ROBO2: variants seen among roughly 807,000 people sequenced by gnomAD.
ROBO2 encodes roundabout guidance receptor 2.
Under a neutral mutation model 160.8 loss-of-function variants are expected in ROBO2, and 53 were observed. That is an observed-to-expected ratio of 0.33 (90% CI 0.26 to 0.41). The LOEUF (loss-of-function observed/expected upper bound fraction) is 0.41. Among genes scored for constraint, ROBO2 ranks in the 10% least tolerant of loss-of-function variants. The probability of loss-of-function intolerance (pLI) is 1.00; values close to 1 mark genes in which losing one functional copy is unlikely to be tolerated. For synonymous variants in ROBO2, 664 were observed against 611.7 expected, an observed-to-expected ratio of 1.09 and a Z score of -1.26; for missense variants, 1,577 against 1,722.4, an observed-to-expected ratio of 0.92 and a Z score of 1.49.
chr3:76,086,988 TAGAAA>T (rs1187764650), intron 2 of ROBO2, among the ~76,000 whole-genome samples: 1 of 151,184 alleles, frequency 6.6e-6, no homozygotes, highest in Non-Finnish European at 1.5e-5. Flanking sequence ...ACTTCCAAAA[TAGAAA>T]AGAGAAAAAT....
At chr3:77,354,317 A>G (rs1426610052) in intron 2 of ROBO2, among the ~76,000 whole-genome samples, 1 of 152,202 alleles carries the variant, frequency 6.6e-6, no homozygotes, top group African/African-American at 2.4e-5. Flanking sequence ...TACCCTTAGT[A>G]CAGAATATTG....
At chr3:76,422,287 C>T (rs2076029185) in intron 2 of ROBO2, among the ~76,000 whole-genome samples, 1 of 152,188 alleles carries the variant, frequency 6.6e-6, no homozygotes, top group South Asian at 2.1e-4. Flanking sequence ...TTTTATGATA[C>T]TTTCTTATCA....
intron 2 of ROBO2, among the ~76,000 whole-genome samples, chr3:76,818,985 T>C (rs1198762290): frequency 6.6e-6 from 1 of 152,088 alleles, no homozygotes; most frequent in Non-Finnish European, 1.5e-5. Flanking sequence ...CCTCAAACTG[T>C]CTATCTTAGA....
intron 2 of ROBO2, among the ~76,000 whole-genome samples, chr3:76,660,331 G>A (rs1234744154): frequency 1.3e-5 from 2 of 152,166 alleles, no homozygotes; most frequent in Non-Finnish European, 1.5e-5. Context: ...CTGGAGCGGT[G>A]ACCCAGTCGA....
intron 2 of ROBO2, among the ~76,000 whole-genome samples, chr3:77,011,088 T>TC (rs2061886465): frequency 7.8e-5 from 5 of 64,132 alleles, no homozygotes; most frequent in Admixed American, 3.0e-4. Flanking sequence ...TTTCTTTCTT[T>TC]TTCTTTCTAT....
intron 2 of ROBO2, among the ~76,000 whole-genome samples, chr3:75,939,298 T>G (rs1012673796): frequency 6.6e-6 from 1 of 152,170 alleles, no homozygotes; most frequent in African/African-American, 2.4e-5. Flanking sequence ...TTCCAGTAAT[T>G]GTGGCTTGTT....
intron 2 of ROBO2, among the ~76,000 whole-genome samples, chr3:76,166,499 C>G (rs980163693): frequency 6.6e-6 from 1 of 152,036 alleles, no homozygotes; most frequent in Admixed American, 6.6e-5. Context: ...CAGCCGTTTT[C>G]TATTTTCTTT....
intron 2 of ROBO2, among the ~76,000 whole-genome samples, chr3:76,819,953 C>T (rs1220369585): frequency 6.6e-6 from 1 of 152,038 alleles, no homozygotes; most frequent in Non-Finnish European, 1.5e-5. Flanking sequence ...TCTATTCTGT[C>T]TGTCTGATGA....
At chr3:76,032,633 G>A (rs765462899) in intron 2 of ROBO2, among the ~76,000 whole-genome samples, 2 of 152,132 alleles carry the variant, frequency 1.3e-5, no homozygotes, top group Non-Finnish European at 2.9e-5. Context: ...TCATTCAGGA[G>A]CAGGTTGTTT....
chr3:76,355,063 T>G (rs1031757428), intron 2 of ROBO2, among the ~76,000 whole-genome samples: 1 of 151,610 alleles, frequency 6.6e-6, no homozygotes, highest in East Asian at 1.9e-4. Flanking sequence ...TGTGTGTGTA[T>G]GTATGCATGG....
intron 2 of ROBO2, among the ~76,000 whole-genome samples, chr3:77,281,219 A>T (rs1163014493): frequency 6.6e-6 from 1 of 152,204 alleles, no homozygotes; most frequent in Non-Finnish European, 1.5e-5. Flanking sequence ...TGGACAGTGG[A>T]TAAATCCCAA....
chr3:76,296,150 A>T (rs1709063414), intron 2 of ROBO2, among the ~76,000 whole-genome samples: 1 of 152,022 alleles, frequency 6.6e-6, no homozygotes, highest in African/African-American at 2.4e-5. Context: ...GGAGAATACG[A>T]TGTGATGACA....
At chr3:76,009,142 G>T (rs1293929510) in intron 2 of ROBO2, among the ~76,000 whole-genome samples, 2 of 151,960 alleles carry the variant, frequency 1.3e-5, no homozygotes, top group Non-Finnish European at 2.9e-5. Flanking sequence ...TTGCTCTGTC[G>T]CCCAGGCTGG....
chr3:76,461,774 T>C (rs1452384588), intron 2 of ROBO2, among the ~76,000 whole-genome samples: 1 of 152,214 alleles, frequency 6.6e-6, no homozygotes, highest in Non-Finnish European at 1.5e-5. Flanking sequence ...AATAAATTAA[T>C]ATTGTTGCCC....
chr3:76,945,872 T>A (rs2078506642), intron 2 of ROBO2, among the ~76,000 whole-genome samples: 1 of 152,212 alleles, frequency 6.6e-6, no homozygotes. Context: ...TGCTTTAATA[T>A]CTTCATATCC....
At chr3:77,004,330 G>A (rs1295817117) in intron 2 of ROBO2, among the ~76,000 whole-genome samples, 2 of 152,126 alleles carry the variant, frequency 1.3e-5, no homozygotes, top group East Asian at 1.9e-4. Flanking sequence ...AGAAGAAAGA[G>A]GTATAAAGAA....
chr3:77,596,689 G>C lies in ROBO2; in HGVS notation c.2793G>C (p.Thr931=), dbSNP rs757052643. Residue 931 remains threonine (T), a synonymous_variant, in exon 19 of 26, where the codon ACG becomes ACC. Coordinates refer to ENST00000461745, the Ensembl canonical transcript of ROBO2. ...GGCTTGCTGATTCTTGGCCAGCCAC[G>C]AGCTTGCCAGTAAATAATAGCAACA... is the stretch of plus-strand genomic sequence containing the variant. 3.7e-6 allele frequency: 6 copies of C among 1,613,740 alleles called. No individual in the cohort carries two copies. The African/African-American group carries it at 6.7e-5, about 18-fold the overall frequency.
chr3:75,969,776 ATT>A (rs915127497), intron 2 of ROBO2, among the ~76,000 whole-genome samples: 16 of 151,418 alleles, frequency 1.1e-4, no homozygotes, highest in Non-Finnish European at 2.4e-4. Flanking sequence ...TGAGATTTTC[ATT>A]TCACATATCA....
chr3:76,715,182 T>C (rs965794060), intron 2 of ROBO2, among the ~76,000 whole-genome samples: 2 of 152,152 alleles, frequency 1.3e-5, no homozygotes, highest in African/African-American at 4.8e-5. Context: ...CCCACATTAA[T>C]AGGTGTTCCC....
Sources: allele counts gnomAD v4.1 joint callset (sites outside exome capture counted in the v4.1 genomes callset), GRCh38; gene constraint gnomAD v4.1.1; transcripts MANE v1.5; gene names NCBI Gene and HGNC (gene_info 2026-07-23, HGNC 2026-07-21).